EXOC6: variants seen among roughly 807,000 people sequenced by gnomAD.
EXOC6 encodes SEC15-like 1.
EXOC6 carries 60 observed loss-of-function variants against 112.5 expected under a neutral mutation model. The observed-to-expected ratio is 0.53, with a 90% confidence interval of 0.43 to 0.66. EXOC6 has a LOEUF of 0.66. Among genes scored for constraint, EXOC6 ranks in the 30% least tolerant of loss-of-function variants. The pLI, the probability that EXOC6 is intolerant of heterozygous loss-of-function variation, is 0.00. For missense variants in EXOC6, 855 were observed against 957.1 expected (o/e 0.89, Z 1.41); for synonymous variants, 295 against 308.0 (o/e 0.96, Z 0.44).
At chr10:92,978,504 T>C (rs147901445) in intron 18 of EXOC6, among the ~76,000 whole-genome samples, 1 of 152,332 alleles carries the variant, frequency 6.6e-6, no homozygotes, top group Non-Finnish European at 1.5e-5. Context: ...TAATAAATTA[T>C]TGACTATGGT....
At chr10:92,887,980 G>A (rs763182537) in intron 1 of EXOC6, among the ~76,000 whole-genome samples, 1 of 152,130 alleles carries the variant, frequency 6.6e-6, no homozygotes, top group Non-Finnish European at 1.5e-5. Context: ...TATCAGCTGT[G>A]AGTACAGCTT....
chr10:93,006,208 G>A (rs2134207679), intron 19 of EXOC6, among the ~76,000 whole-genome samples: 1 of 150,520 alleles, frequency 6.6e-6, no homozygotes, highest in South Asian at 2.1e-4. Flanking sequence ...AAAAAAAAAA[G>A]GATGCTGTTT....
intron 19 of EXOC6, among the ~76,000 whole-genome samples, chr10:93,000,211 A>G (rs907221794): frequency 3.9e-5 from 6 of 152,122 alleles, no homozygotes; most frequent in Admixed American, 6.5e-5. Flanking sequence ...CCTTTTTGGC[A>G]TTTGATGTGT....
chr10:92,988,134 A>T (rs963427202), intron 18 of EXOC6, among the ~76,000 whole-genome samples: 4 of 152,332 alleles, frequency 2.6e-5, no homozygotes, highest in Admixed American at 2.6e-4. Context: ...GTAGAAGTCT[A>T]ACCCAGTGCA....
intron 18 of EXOC6, among the ~76,000 whole-genome samples, chr10:92,977,097 G>A (rs542976661): frequency 1.3e-5 from 2 of 152,138 alleles, no homozygotes; most frequent in African/African-American, 4.8e-5. Flanking sequence ...CATTTATGCT[G>A]GAGGTTGCAA....
intron 1 of EXOC6, among the ~76,000 whole-genome samples, chr10:92,885,288 A>G (rs895973763): frequency 1.3e-5 from 2 of 152,068 alleles, no homozygotes; most frequent in South Asian, 2.1e-4. Context: ...ATTTTTATAC[A>G]TTCCGAGTTG....
intron 20 of EXOC6, among the ~76,000 whole-genome samples, chr10:93,035,845 A>G (rs865863776): frequency 1.3e-5 from 2 of 152,052 alleles, no homozygotes; most frequent in South Asian, 4.1e-4. Flanking sequence ...ACAGATCAAG[A>G]CTCTGTCTCC....
At chr10:92,927,445 T>A (rs1443568514) in intron 8 of EXOC6, among the ~76,000 whole-genome samples, 1 of 152,254 alleles carries the variant, frequency 6.6e-6, no homozygotes, top group Non-Finnish European at 1.5e-5. Context: ...GACCATATTC[T>A]AATAGAGTGA....
intron 8 of EXOC6, among the ~76,000 whole-genome samples, chr10:92,926,219 G>C (rs1311994582): frequency 2.6e-5 from 4 of 151,734 alleles, no homozygotes; most frequent in Non-Finnish European, 5.9e-5. Flanking sequence ...ATATACTTAG[G>C]CCATTTGCAT....
At chr10:92,991,934 G>A (rs186629324) in intron 18 of EXOC6, among the ~76,000 whole-genome samples, 3 of 152,222 alleles carry the variant, frequency 2.0e-5, no homozygotes, top group Middle Eastern at 3.4e-3. Context: ...GTTAGAGATG[G>A]ACAGAAATAG....
chr10:92,996,886 T>G (rs1049371215), intron 18 of EXOC6, among the ~76,000 whole-genome samples: 3 of 152,320 alleles, frequency 2.0e-5, no homozygotes, highest in African/African-American at 7.2e-5. Context: ...GTAGATAATC[T>G]TGAAGTCATA....
chr10:92,908,731 A>G (rs978822674), intron 5 of EXOC6, among the ~76,000 whole-genome samples: 10 of 152,248 alleles, frequency 6.6e-5, no homozygotes, highest in African/African-American at 2.2e-4. Flanking sequence ...TAAATTATGT[A>G]TATGAAAATA....
intron 18 of EXOC6, among the ~76,000 whole-genome samples, chr10:92,992,404 T>G (rs1028291335): frequency 1.3e-5 from 2 of 152,116 alleles, no homozygotes; most frequent in African/African-American, 4.8e-5. Flanking sequence ...TTCTATATTA[T>G]TGAGAATCAG....
chr10:92,860,849 TC>T (rs1347502702), intron 1 of EXOC6, among the ~76,000 whole-genome samples: 1 of 150,882 alleles, frequency 6.6e-6, no homozygotes, highest in African/African-American at 2.5e-5. Context: ...TGTTTATCTG[TC>T]ATTTATCAGT....
chr10:92,974,556 C>T (rs141345620), intron 18 of EXOC6, among the ~76,000 whole-genome samples: 71 of 149,232 alleles, frequency 4.8e-4, no homozygotes, highest in African/African-American at 1.7e-3. Context: ...CTCCCTCTCC[C>T]GTCTCCCTCT....
chr10:92,896,141 G>GTA (rs1157417259), intron 4 of EXOC6, among the ~76,000 whole-genome samples: 3 of 33,668 alleles, frequency 8.9e-5, no homozygotes, highest in African/African-American at 4.2e-4. Context: ...GTGTGTGTAT[G>GTA]TATGTGTATA....
chr10:93,058,146 T>G, intron 21 of EXOC6, 77 bp from the exon 22 acceptor site: 1 of 1,354,666 alleles, frequency 7.4e-7, no homozygotes, highest in East Asian at 2.4e-5. Context: ...ATTCAGAGCA[T>G]GCCAAGATAT....
intron 12 of EXOC6, 25 bp from the exon 13 acceptor site, chr10:92,940,702 G>GTT (rs1852613406): frequency 9.0e-7 from 1 of 1,107,796 alleles, no homozygotes; most frequent in South Asian, 1.5e-5. Flanking sequence ...TTGTTTATCT[G>GTT]CTTTTTTTTT....
intron 20 of EXOC6, among the ~76,000 whole-genome samples, chr10:93,014,876 AT>A (rs1368423827): frequency 1.3e-5 from 2 of 151,342 alleles, no homozygotes; most frequent in Non-Finnish European, 3.0e-5. Context: ...TTGTCGTTTT[AT>A]TTATTTTCTT....
Sources: gnomAD v4.1 joint callset for allele counts (sites outside exome capture counted in the v4.1 genomes callset) on GRCh38, gnomAD v4.1.1 for gene constraint, MANE v1.5 for transcripts, NCBI Gene and HGNC (gene_info 2026-07-23, HGNC 2026-07-21) for gene names.